The following PARD3 variants were observed in gnomAD, a reference collection of about 807,000 sequenced individuals.
The protein encoded by PARD3 is par-3 family cell polarity regulator.
PARD3 carries 75 observed loss-of-function variants against 155.4 expected under a neutral mutation model. The ratio of observed to expected loss-of-function variants is 0.48; its 90% confidence interval spans 0.40 to 0.58. The LOEUF is 0.58. Among genes scored for constraint, PARD3 ranks in the 20% least tolerant of loss-of-function variants. The pLI is 0.00. For synonymous variants in PARD3, 576 were observed against 610.5 expected (o/e 0.94, Z 0.83); for missense variants, 1,642 against 1,721.7 (o/e 0.95, Z 0.82).
intron 2 of PARD3, among the ~76,000 whole-genome samples, chr10:34,551,706 G>A (rs1047472285): frequency 1.2e-4 from 19 of 152,198 alleles, no homozygotes; most frequent in African/African-American, 4.6e-4. Context: ...CTGCGGTTAG[G>A]CCAGGACGTA....
In PARD3 at chr10:34,483,663, ATCTTTCT is replaced by A. The variant is rs377645800; in HGVS notation, c.404-13407_404-13401del. ...TAAGACCCACAAGGGGATAGAACGTATCTTTCTTCCTCACTGTCTCACCCTCAGTGCC... is the reference window on the plus strand; with the variant it reads ...TAAGACCCACAAGGGGATAGAACGTATCCTCACTGTCTCACCCTCAGTGCC... On this transcript the variant is annotated intron_variant, in intron 3 of 24. Coordinates refer to ENST00000374788, the MANE Select transcript of PARD3 (RefSeq NM_001184785.2). 5.4e-3 allele frequency among the ~76,000 whole-genome samples: 818 copies of A among 152,314 alleles called. 7 individuals are homozygous for A. The highest frequency in any genetic ancestry group is 0.018 in the African/African-American group (762 of 41,568).
chr10:34,581,891 A>G (rs1182812954), intron 2 of PARD3, among the ~76,000 whole-genome samples: 3 of 152,230 alleles, frequency 2.0e-5, no homozygotes, highest in South Asian at 2.1e-4. Flanking sequence ...ACTATTTAAC[A>G]TGCTTGACAA....
Position 34,387,437 on chromosome 10 carries a change from G to A in PARD3, c.891-3183C>T, listed in dbSNP as rs138347692. ...TTTCACTTTAATTTTTTTTGAGACA[G>A]AATCTTGCTCTGTCACCCAGGCTGG... On this transcript the variant is annotated intron_variant, in intron 7 of 24. Transcript: ENST00000374788. 7.9e-3 allele frequency among the ~76,000 whole-genome samples: 1,209 copies of A among 152,122 alleles called. 18 individuals carry two copies. Among genetic ancestry groups the A allele is most frequent in the African/African-American group, 0.028 (1,144 of 41,484 alleles).
At chr10:34,221,059 G>C (rs1952255494) in intron 22 of PARD3, among the ~76,000 whole-genome samples, 1 of 152,296 alleles carries the variant, frequency 6.6e-6, no homozygotes, top group South Asian at 2.1e-4. Context: ...TGAAACATCT[G>C]CTATGAGCAG....
chr10:34,809,027 T>C (rs1431369117), intron 1 of PARD3, among the ~76,000 whole-genome samples: 1 of 152,188 alleles, frequency 6.6e-6, no homozygotes, highest in East Asian at 1.9e-4. Context: ...GAGGGTCCTC[T>C]GCTTGAGCTG....
intron 12 of PARD3, among the ~76,000 whole-genome samples, chr10:34,361,406 T>C (rs928960130): frequency 6.6e-6 from 1 of 152,222 alleles, no homozygotes; most frequent in Non-Finnish European, 1.5e-5. Flanking sequence ...CACAGATATG[T>C]AGGAATATAT....
chr10:34,362,777 A>G (rs967075607), intron 12 of PARD3, among the ~76,000 whole-genome samples: 1 of 152,260 alleles, frequency 6.6e-6, no homozygotes, highest in African/African-American at 2.4e-5. Context: ...TTACGTGCCC[A>G]GCCCCTTGAA....
intron 22 of PARD3, among the ~76,000 whole-genome samples, chr10:34,139,539 T>G (rs1264259663): frequency 6.6e-6 from 1 of 152,222 alleles, no homozygotes; most frequent in Non-Finnish European, 1.5e-5. Flanking sequence ...CTTGTACCAA[T>G]GGTTAAGTCC....
intron 2 of PARD3, among the ~76,000 whole-genome samples, chr10:34,546,454 T>C (rs1281991364): frequency 3.3e-5 from 5 of 151,682 alleles, no homozygotes; most frequent in Admixed American, 6.6e-5. Context: ...GAGGCAGAGG[T>C]TGCAGCGAGC....
In PARD3 at chr10:34,111,436, G is replaced by C; in HGVS notation, c.3795C>G (p.Gly1265=). 1 of 1,614,192 alleles carries C rather than the reference G, an allele frequency of 6.2e-7. No individual in the cohort carries two copies. The change falls in exon 25 of 25, where the codon GGC becomes GGG. Residue 1265 remains glycine, a synonymous_variant. Coordinates refer to ENST00000374788, the MANE Select transcript of PARD3 (RefSeq NM_001184785.2). ...RYSSYQGSRN[G]YLGGHGFNAR... ...CGTTGAAGCCATGTCCTCCCAGGTA[G>C]CCGTTCCTGGAGCCTTGGTAGCTGG...
intron 22 of PARD3, among the ~76,000 whole-genome samples, chr10:34,260,182 C>T (rs770844051): frequency 6.6e-6 from 1 of 152,130 alleles, no homozygotes. Context: ...GCCATGTTGC[C>T]CAAAGTGGCC....
At chr10:34,412,895 T>TAGAAATACA (rs1285647055) in intron 5 of PARD3, among the ~76,000 whole-genome samples, 1 of 151,894 alleles carries the variant, frequency 6.6e-6, no homozygotes, top group African/African-American at 2.4e-5. Context: ...ATAGGCCAAA[T>TAGAAATACA]AAGAAATAGA....
chr10:34,709,032 G>A (rs1418186941), intron 1 of PARD3, among the ~76,000 whole-genome samples: 1 of 152,076 alleles, frequency 6.6e-6, no homozygotes, highest in Non-Finnish European at 1.5e-5. Flanking sequence ...ATGTACATGT[G>A]CACATGTACA....
intron 22 of PARD3, among the ~76,000 whole-genome samples, chr10:34,244,702 C>A (rs1267045967): frequency 6.6e-6 from 1 of 152,160 alleles, no homozygotes; most frequent in African/African-American, 2.4e-5. Flanking sequence ...TTGAATCATT[C>A]TTACATGCTG....
chr10:34,602,870 A>G (rs961031648), intron 2 of PARD3, among the ~76,000 whole-genome samples: 2 of 152,180 alleles, frequency 1.3e-5, no homozygotes, highest in Non-Finnish European at 2.9e-5. Flanking sequence ...AAAGGCCTCT[A>G]CTGCCCACGT....
intron 2 of PARD3, among the ~76,000 whole-genome samples, chr10:34,603,200 G>C (rs965521681): frequency 3.9e-5 from 6 of 152,192 alleles, no homozygotes; most frequent in African/African-American, 1.4e-4. Context: ...TTGTCAAAAT[G>C]TCCCAGAATG....
intron 5 of PARD3, among the ~76,000 whole-genome samples, chr10:34,424,508 T>TTGTA (rs2075485835): frequency 6.6e-6 from 1 of 151,910 alleles, no homozygotes; most frequent in South Asian, 2.1e-4. Flanking sequence ...ACTTTACATT[T>TTGTA]TTTATTTATT....
intron 2 of PARD3, among the ~76,000 whole-genome samples, chr10:34,662,090 C>T (rs2093340448): frequency 6.6e-6 from 1 of 152,180 alleles, no homozygotes; most frequent in South Asian, 2.1e-4. Context: ...GCTGACATCT[C>T]GGAGTGCCTA....
At chr10:34,704,299 GA>G (rs2094330602) in intron 1 of PARD3, among the ~76,000 whole-genome samples, 1 of 152,182 alleles carries the variant, frequency 6.6e-6, no homozygotes, top group South Asian at 2.1e-4. Flanking sequence ...AGTTGTGAAG[GA>G]AAGAAAAGGT....
Sources: allele counts gnomAD v4.1 joint callset (sites outside exome capture counted in the v4.1 genomes callset), GRCh38; gene constraint gnomAD v4.1.1; transcripts MANE v1.5; gene names NCBI Gene and HGNC (gene_info 2026-07-23, HGNC 2026-07-21).